The following GPATCH1 variants were observed in gnomAD, a reference collection of about 807,000 sequenced individuals.
GPATCH1 encodes G-patch domain containing 1.
A neutral mutation model predicts 114.9 loss-of-function variants in GPATCH1; 73 were observed. That is an observed-to-expected ratio of 0.64 (90% CI 0.53 to 0.77). The LOEUF (loss-of-function observed/expected upper bound fraction) is 0.77. GPATCH1 is among the 30% of genes least tolerant of loss of function. The pLI, the probability that GPATCH1 is intolerant of heterozygous loss-of-function variation, is 0.00. For missense variants in GPATCH1, 1,058 were observed against 1,144.3 expected (o/e 0.92, Z 1.09); for synonymous variants, 391 against 428.4 (o/e 0.91, Z 1.08).
At position 33,095,957 on chromosome 19, in the gene GPATCH1, C is replaced by T. The variant is rs1972653340; in HGVS notation, c.612+137C>T. 3.9e-6 allele frequency: 3 copies of T among 768,652 alleles called. No individual in the cohort carries two copies. The Admixed American group carries it at 5.7e-5, about 14-fold the overall frequency. The allele number at this position is 768,652 out of a possible 1,614,324, so 47.6% of individuals were successfully genotyped here. A position where few individuals can be genotyped will look rare whatever the true frequency, so the allele number is the denominator to read the frequency against. On this transcript the variant is annotated intron_variant, in intron 6 of 19. Coordinates refer to ENST00000170564, the MANE Select transcript of GPATCH1 (RefSeq NM_018025.3). ...TAAATACTCATACCCTAAAGCTATC[C>T]TCATTATATCAGCATACATATTCAG...
At chr19:33,111,924 T>C (rs1809734126) in intron 12 of GPATCH1, 22 bp downstream of exon 12, 1 of 1,569,962 alleles carries the variant, frequency 6.4e-7, no homozygotes, top group African/African-American at 1.4e-5. Flanking sequence ...CCATGTCCCT[T>C]ACCTGGTGAA....
chr19:33,119,088 G>T lies in GPATCH1; in HGVS notation c.2492G>T (p.Gly831Val). Reference sequence around the variant, plus strand: ...CAGATAGATGAAAGAGAAGAGTTCGGCCCGCGGCTGCCTCCCGTCTTCTGC... The same window carrying T: ...CAGATAGATGAAAGAGAAGAGTTCGTCCCGCGGCTGCCTCCCGTCTTCTGC... Reference protein sequence around the residue: ...KMQIDEREEFGPRLPPVFCPN... With the variant: ...KMQIDEREEFVPRLPPVFCPN... Residue 831 changes from glycine to valine, a missense_variant, in exon 17 of 20, where the codon GGC (glycine) becomes GTC (valine). This residue lies in a region of GPATCH1 where 893 missense variants were observed against 977.4 expected (regional missense o/e 0.91). Transcript: ENST00000170564. 6.2e-7 allele frequency: 1 copy of T among 1,611,290 alleles called. No homozygotes were observed.
chr19:33,126,773 G>A (rs773980117), intron 19 of GPATCH1, 40 bp downstream of exon 19: 6 of 1,481,666 alleles, frequency 4.0e-6, no homozygotes, highest in Non-Finnish European at 9.3e-7. Context: ...GAAACCTTTA[G>A]AGGCTTATTG....
intron 1 of GPATCH1, among the ~76,000 whole-genome samples, chr19:33,081,681 C>G (rs943649901): frequency 2.0e-5 from 3 of 151,906 alleles, no homozygotes; most frequent in African/African-American, 7.3e-5. Flanking sequence ...GAAGTGGGAG[C>G]CAGTTTAGGA....
At chr19:33,105,261 G>C (rs1041373108) in intron 9 of GPATCH1, among the ~76,000 whole-genome samples, 11 of 151,060 alleles carry the variant, frequency 7.3e-5, no homozygotes, top group Non-Finnish European at 1.5e-4. Context: ...GTGAAACCCC[G>C]TCTCTACTAA....
intron 18 of GPATCH1, among the ~76,000 whole-genome samples, chr19:33,125,611 C>T (rs1023621087): frequency 6.6e-6 from 1 of 151,948 alleles, no homozygotes; most frequent in African/African-American, 2.4e-5. Context: ...GTTTTGACCT[C>T]CTGACCTCCG....
intron 5 of GPATCH1, among the ~76,000 whole-genome samples, chr19:33,095,127 A>G (rs978102001): frequency 3.9e-5 from 6 of 152,080 alleles, no homozygotes; most frequent in African/African-American, 1.4e-4. Context: ...TGATCATGCC[A>G]CTGTACTTCA....
At chr19:33,112,886 T>C in intron 13 of GPATCH1, 1 of 287,556 alleles carries the variant, frequency 3.5e-6, no homozygotes, top group Non-Finnish European at 6.5e-6. Context: ...CTCTCTCATT[T>C]GCCACCTTCT....
chr19:33,094,749 C>A (rs1488740236), intron 5 of GPATCH1, among the ~76,000 whole-genome samples: 1 of 152,132 alleles, frequency 6.6e-6, no homozygotes, highest in Non-Finnish European at 1.5e-5. Flanking sequence ...CCTGAGTCTC[C>A]CCAGCCAGAC....
rs145231406 is a variant in GPATCH1, at chr19:33,100,968, C to T, written c.1001-527C>T. The stretch of plus-strand genomic sequence containing the variant: ...TCAGAGGGCATTGGTCATTCAGTTT[C>T]CTATGTCTGTGATCTTTATGTCTTG... On this transcript the variant is annotated intron_variant, in intron 8 of 19. Coordinates refer to ENST00000170564, the MANE Select transcript of GPATCH1 (RefSeq NM_018025.3). 1.1e-3 allele frequency among the ~76,000 whole-genome samples: 161 copies of T among 152,208 alleles called. 1 individual carries two copies. The East Asian group carries it at 0.029, about 28-fold the overall frequency.
At chr19:33,083,998 C>G (rs1466186816) in intron 1 of GPATCH1, among the ~76,000 whole-genome samples, 3 of 151,978 alleles carry the variant, frequency 2.0e-5, no homozygotes, top group Non-Finnish European at 4.4e-5. Flanking sequence ...TTAGTAGACA[C>G]AGGGTTTTAC....
chr19:33,127,996 G>A (rs1973062184), intron 19 of GPATCH1, among the ~76,000 whole-genome samples: 1 of 152,178 alleles, frequency 6.6e-6, no homozygotes, highest in African/African-American at 2.4e-5. Context: ...GATTACAGGT[G>A]TGAACCACCA....
chr19:33,094,403 C>T (rs565695627), intron 5 of GPATCH1, 134 bp downstream of exon 5: 4 of 594,396 alleles, frequency 6.7e-6, no homozygotes, highest in South Asian at 3.9e-5. Flanking sequence ...CTTGACCTCC[C>T]GGGCTCAAGT....
At chr19:33,110,530 G>A (rs995597554) in intron 11 of GPATCH1, among the ~76,000 whole-genome samples, 2 of 152,114 alleles carry the variant, frequency 1.3e-5, no homozygotes, top group Non-Finnish European at 2.9e-5. Flanking sequence ...AGTAGTCCTC[G>A]TGAGAGGTTA....
chr19:33,124,376 A>G (rs894969613), intron 17 of GPATCH1, among the ~76,000 whole-genome samples: 4 of 150,704 alleles, frequency 2.7e-5, no homozygotes, highest in African/African-American at 7.3e-5. Context: ...GGGTCTCACT[A>G]TGTTGCCCAG....
At chr19:33,102,812 A>G (rs1396642724) in intron 9 of GPATCH1, among the ~76,000 whole-genome samples, 1 of 152,264 alleles carries the variant, frequency 6.6e-6, no homozygotes, top group Non-Finnish European at 1.5e-5. Flanking sequence ...GGAAAAGTAG[A>G]AAACATTCAG....
rs141905174 is a variant in GPATCH1, at chr19:33,096,347, G to A, written c.753G>A (p.Ser251=). 14 of 1,613,948 alleles carry A rather than the reference G, an allele frequency of 8.7e-6. No individual in the cohort carries two copies. In the African/African-American group the frequency reaches 9.3e-5, roughly 11 times the overall value. ...CCCACCAGGCACTGTTTGGAACTTCGGGAGAACATTTTAATCTTTTCAGTG... is the reference window on the plus strand; with the variant it reads ...CCCACCAGGCACTGTTTGGAACTTCAGGAGAACATTTTAATCTTTTCAGTG... ...LDPHQALFGT[S]GEHFNLFSGG... The change falls in exon 7 of 20, where the codon TCG becomes TCA. Residue 251 remains serine, a synonymous_variant. Transcript: ENST00000170564.
intron 15 of GPATCH1, among the ~76,000 whole-genome samples, chr19:33,117,121 A>G (rs1972924798): frequency 6.6e-6 from 1 of 152,110 alleles, no homozygotes; most frequent in Non-Finnish European, 1.5e-5. Flanking sequence ...ACTTGAGCCC[A>G]GGAGGTCAAC....
At chr19:33,086,738 GA>G (rs1972538078) in intron 1 of GPATCH1, among the ~76,000 whole-genome samples, 2 of 152,256 alleles carry the variant, frequency 1.3e-5, no homozygotes, top group African/African-American at 4.8e-5. Context: ...TTACAGGCAT[GA>G]GTCATTGCGC....
Sources: gnomAD v4.1 joint callset for allele counts (sites outside exome capture counted in the v4.1 genomes callset) on GRCh38, gnomAD v4.1.1 for gene constraint, gnomAD v4.1.1 regional missense constraint, MANE v1.5 for transcripts, NCBI Gene and HGNC (gene_info 2026-07-23, HGNC 2026-07-21) for gene names.